HPSE2: variants seen among roughly 807,000 people sequenced by gnomAD.
The protein encoded by HPSE2 is heparanase 2 (inactive), also known as inactive heparanase-2.
HPSE2 carries 38 observed loss-of-function variants against 60.5 expected under a neutral mutation model. The observed-to-expected ratio is 0.63, with a 90% CI of 0.48 to 0.82. The LOEUF is 0.82. Ranked by LOEUF, HPSE2 falls within the 40% of genes least tolerant of loss-of-function variation. The probability of loss-of-function intolerance (pLI) is 0.00; values close to 1 mark genes in which losing one functional copy is unlikely to be tolerated. For synonymous variants in HPSE2, 295 were observed against 293.2 expected (o/e 1.01, Z -0.06); for missense variants, 713 against 740.4 (o/e 0.96, Z 0.43).
In HPSE2 at chr10:98,950,998, C is replaced by T. The variant is rs770782385; in HGVS notation, c.610+193240G>A. ...AGAGACTGTAATAAAAGAAAGTTCACGAGATGACAATCCAAGATAGGCCTG... is the reference window on the plus strand; with the variant it reads ...AGAGACTGTAATAAAAGAAAGTTCATGAGATGACAATCCAAGATAGGCCTG... On this transcript the variant is annotated intron_variant, in intron 3 of 11. Coordinates refer to ENST00000370552, the MANE Select transcript of HPSE2 (RefSeq NM_021828.5). Among the ~76,000 whole-genome samples, 116 of 152,034 alleles carry T rather than the reference C, an allele frequency of 7.6e-4. 5 individuals are homozygous for T. The highest frequency in any genetic ancestry group is 4.4e-4 in the Non-Finnish European group (30 of 68,014).
intron 3 of HPSE2, among the ~76,000 whole-genome samples, chr10:99,092,987 T>G (rs1381856517): frequency 6.6e-6 from 1 of 152,148 alleles, no homozygotes; most frequent in African/African-American, 2.4e-5. Context: ...TCACAGCACT[T>G]TGGAGGTCGA....
At chr10:98,553,987 T>C (rs554655658) in intron 9 of HPSE2, among the ~76,000 whole-genome samples, 3 of 152,208 alleles carry the variant, frequency 2.0e-5, no homozygotes, top group African/African-American at 7.2e-5. Context: ...TAGAGCTCAC[T>C]AAGGATCCAA....
intron 2 of HPSE2, among the ~76,000 whole-genome samples, chr10:99,175,734 A>G (rs1164469383): frequency 6.6e-6 from 1 of 152,204 alleles, no homozygotes; most frequent in East Asian, 1.9e-4. Context: ...GGCTCTGAAT[A>G]GAGGAGCAGA....
At chr10:99,244,785 T>C in the HPSE2 span, among the ~76,000 whole-genome samples, 1 of 152,010 alleles carries the variant, frequency 6.6e-6, no homozygotes, top group African/African-American at 2.4e-5. Context: ...CACTGATTCA[T>C]TCCACTACTC....
chr10:98,817,491 G>A (rs1889939), intron 3 of HPSE2, among the ~76,000 whole-genome samples: 7,538 of 152,170 alleles, frequency 0.05, 585 homozygotes, highest in African/African-American at 0.17. Context: ...AGCATCTGGA[G>A]GCATCCAAAC....
At chr10:98,643,297 A>G (rs1163593335) in intron 6 of HPSE2, among the ~76,000 whole-genome samples, 1 of 152,212 alleles carries the variant, frequency 6.6e-6, no homozygotes, top group Non-Finnish European at 1.5e-5. Context: ...TTGAGAATTA[A>G]TGAGCTAACA....
intron 3 of HPSE2, among the ~76,000 whole-genome samples, chr10:99,010,646 G>A (rs1175816309): frequency 6.6e-6 from 1 of 152,184 alleles, no homozygotes; most frequent in Admixed American, 6.5e-5. Flanking sequence ...CAGCTTTACT[G>A]AAAAGGGAAA....
intron 6 of HPSE2, among the ~76,000 whole-genome samples, chr10:98,683,007 T>A (rs576386241): frequency 3.7e-4 from 56 of 152,300 alleles, no homozygotes; most frequent in Non-Finnish European, 7.1e-4. Flanking sequence ...ATCCAGCCCT[T>A]TCTCTCAGAT....
intron 3 of HPSE2, among the ~76,000 whole-genome samples, chr10:98,962,378 T>C (rs1287708958): frequency 1.3e-5 from 2 of 151,380 alleles, no homozygotes; most frequent in Non-Finnish European, 2.9e-5. Flanking sequence ...CCCATGAGCA[T>C]GGAATGTTCT....
At chr10:98,517,289 C>G (rs550078658) in intron 9 of HPSE2, among the ~76,000 whole-genome samples, 1 of 152,046 alleles carries the variant, frequency 6.6e-6, no homozygotes, top group African/African-American at 2.4e-5. Context: ...CATGCCCCAC[C>G]CAGCTATAAC....
At position 98,852,113 on chromosome 10, in the gene HPSE2, ATGTGTG is replaced by A. The variant is rs1555017138; in HGVS notation, c.611-108063_611-108058del. Among the ~76,000 whole-genome samples the A allele has an allele frequency of 8.2e-3, 757 of 91,918 alleles. 11 individuals are homozygous for A. Among genetic ancestry groups the A allele is most frequent in the Middle Eastern group, 0.053 (8 of 150 alleles). 60.3% of individuals were successfully genotyped at this position (91,918 alleles called of 152,430 possible). A position where few individuals can be genotyped will look rare whatever the true frequency, so the allele number is the denominator to read the frequency against. On this transcript the variant is annotated intron_variant, in intron 3 of 11. Coordinates refer to ENST00000370552, the MANE Select transcript of HPSE2 (RefSeq NM_021828.5). ...GGTTTTGCAAACCTTGTATATTATG[ATGTGTG>A]TGTGTGTGTGTGTGTGTGTGTGTGT...
chr10:98,718,207 T>C (rs1328821593), intron 5 of HPSE2, among the ~76,000 whole-genome samples: 1 of 152,130 alleles, frequency 6.6e-6, no homozygotes, highest in Admixed American at 6.6e-5. Flanking sequence ...TAGATAAAAC[T>C]GATGATTAAG....
At chr10:98,487,757 C>G (rs1367976840) in intron 10 of HPSE2, among the ~76,000 whole-genome samples, 5 of 152,228 alleles carry the variant, frequency 3.3e-5, no homozygotes, top group African/African-American at 1.2e-4. Context: ...ATCCACCATG[C>G]CCACTCTGGG....
intron 3 of HPSE2, among the ~76,000 whole-genome samples, chr10:98,829,326 G>A (rs1240434533): frequency 6.6e-6 from 1 of 152,004 alleles, no homozygotes; most frequent in Non-Finnish European, 1.5e-5. Context: ...TCAGGAGTTC[G>A]AGACCAGCCT....
At chr10:98,924,891 G>A (rs1417628722) in intron 3 of HPSE2, among the ~76,000 whole-genome samples, 1 of 152,174 alleles carries the variant, frequency 6.6e-6, no homozygotes, top group Non-Finnish European at 1.5e-5. Flanking sequence ...CTCAAGTTTG[G>A]ACCACTGGGA....
intron 9 of HPSE2, among the ~76,000 whole-genome samples, chr10:98,596,472 CTT>C (rs35468569): frequency 4.7e-5 from 7 of 148,894 alleles, no homozygotes; most frequent in African/African-American, 1.2e-4. Context: ...AATTAGCATC[CTT>C]TTTTTTTTTC....
chr10:99,277,678 T>G, the HPSE2 span, among the ~76,000 whole-genome samples: 1 of 152,246 alleles, frequency 6.6e-6, no homozygotes, highest in African/African-American at 2.4e-5. Flanking sequence ...TTGTGTATCA[T>G]GGTGGTTTTT....
intron 3 of HPSE2, among the ~76,000 whole-genome samples, chr10:98,749,451 AT>A (rs1297419535): frequency 6.6e-6 from 1 of 151,516 alleles, no homozygotes; most frequent in Admixed American, 6.6e-5. Flanking sequence ...ATATACATAT[AT>A]GCATGCATAT....
intron 3 of HPSE2, chr10:99,013,168 A>G (rs539669489): frequency 2.5e-5 from 17 of 673,388 alleles, no homozygotes; most frequent in Non-Finnish European, 3.7e-5. Flanking sequence ...GTTAGAGAAC[A>G]GCATGCCTGG....
Sources: gnomAD v4.1 joint callset for allele counts (sites outside exome capture counted in the v4.1 genomes callset) on GRCh38, gnomAD v4.1.1 for gene constraint, MANE v1.5 for transcripts, NCBI Gene and HGNC (gene_info 2026-07-23, HGNC 2026-07-21) for gene names.